NOP9: variants seen among roughly 807,000 people sequenced by gnomAD.
NOP9 encodes nucleolar protein 9.
Under a neutral mutation model 63.0 loss-of-function variants are expected in NOP9, and 50 were observed. That is an observed-to-expected ratio of 0.79 (90% CI 0.63 to 1.00). NOP9 has a LOEUF of 1.00. Ranked by LOEUF, NOP9 falls within the 50% of genes least tolerant of loss-of-function variation. The pLI is 0.00. For missense variants in NOP9, 758 were observed against 803.0 expected (o/e 0.94, Z 0.68); for synonymous variants, 343 against 332.8 (o/e 1.03, Z -0.33).
chr14:24,297,466 C>T (rs1001805162), upstream of NOP9, among the ~76,000 whole-genome samples: 2 of 152,210 alleles, frequency 1.3e-5, no homozygotes, highest in African/African-American at 4.8e-5. Context: ...GAACAATCCT[C>T]CTATTCTCCA....
At chr14:24,299,187 C>A, upstream of NOP9, 2 of 1,478,424 alleles carry the variant, frequency 1.4e-6, no homozygotes, top group South Asian at 1.3e-5. Context: ...TGTGTTGGGG[C>A]GAGGTTGGGG....
the NOP9 span, chr14:24,292,422 CCCTGT>C: frequency 1.9e-6 from 3 of 1,555,612 alleles, no homozygotes; most frequent in South Asian, 2.3e-5. Flanking sequence ...GCTCCACCCA[CCCTGT>C]CCTTCCCAGG....
In NOP9 at chr14:24,305,968, A is replaced by C. The variant is rs1244504359; in HGVS notation, c.*873A>C. 28 of 1,613,972 alleles carry C rather than the reference A, an allele frequency of 1.7e-5. No individual in the cohort carries two copies. Among genetic ancestry groups the C allele is most frequent in the Non-Finnish European group, 2.3e-5 (27 of 1,179,890 alleles). The stretch of plus-strand genomic sequence containing the variant: ...TGACCTGAGTACTTTCTTTGGGCCA[A>C]GTCCTTGAAAGTCACAACTCATAGA... On this transcript the variant is annotated 3_prime_UTR_variant, in exon 10 of 10. Coordinates refer to ENST00000267425, the MANE Select transcript of NOP9 (RefSeq NM_174913.3).
At chr14:24,290,703 G>C in the NOP9 span, 1 of 865,500 alleles carries the variant, frequency 1.2e-6, no homozygotes. Flanking sequence ...AAGGGACCTA[G>C]GCGCACCCCA....
chr14:24,279,893 G>A, the NOP9 span, among the ~76,000 whole-genome samples: 1 of 152,216 alleles, frequency 6.6e-6, no homozygotes, highest in Non-Finnish European at 1.5e-5. Flanking sequence ...AGAAGCAGAA[G>A]CTGTGGAACA....
At chr14:24,291,161 G>A in the NOP9 span, 1 of 1,614,158 alleles carries the variant, frequency 6.2e-7, no homozygotes, top group Non-Finnish European at 8.5e-7. Context: ...GAAGGCCATA[G>A]CGTCGAGCAA....
At chr14:24,301,824 C>G in intron 3 of NOP9, 102 bp downstream of exon 3, 1 of 1,491,316 alleles carries the variant, frequency 6.7e-7, no homozygotes, top group East Asian at 2.3e-5. Flanking sequence ...TCTTTTCAAA[C>G]CTGGTCTGGT....
chr14:24,302,024 C>G lies in NOP9; in HGVS notation c.868C>G (p.Arg290Gly). The change falls in exon 4 of 10, where the codon CGC becomes GGC. Residue 290 changes from arginine (R) to glycine (G), a missense_variant. By Grantham distance (125) the Arg-to-Gly change is moderately radical. Coordinates refer to ENST00000267425, the MANE Select transcript of NOP9 (RefSeq NM_174913.3). Reference protein sequence around the residue: ...CLQVALQVLHRKLPQFCAHLC... With the variant: ...CLQVALQVLHGKLPQFCAHLC... ...TCAAGTGGCTTTACAGGTTTTACAC[C>G]GCAAACTTCCCCAGTTTTGCGCTCA... is the stretch of plus-strand genomic sequence containing the variant. The G allele has an allele frequency of 1.2e-6, 2 of 1,613,992 alleles. No homozygotes were observed. Among genetic ancestry groups the G allele is most frequent in the African/African-American group, 1.3e-5 (1 of 75,024 alleles).
upstream of NOP9, among the ~76,000 whole-genome samples, chr14:24,295,227 C>CTAT (rs1470649954): frequency 7.2e-5 from 11 of 152,088 alleles, no homozygotes; most frequent in African/African-American, 1.4e-4. Context: ...ATATGCCAGG[C>CTAT]TATTAATAGT....
chr14:24,291,815 C>A, the NOP9 span: 1 of 642,060 alleles, frequency 1.6e-6, no homozygotes, highest in Non-Finnish European at 2.7e-6. Context: ...CAGGTGAGCC[C>A]TGTGCCCTGG....
At chr14:24,274,230 G>C in the NOP9 span, among the ~76,000 whole-genome samples, 1 of 152,130 alleles carries the variant, frequency 6.6e-6, no homozygotes, top group Non-Finnish European at 1.5e-5. Flanking sequence ...GTGCAGATTT[G>C]CCAGGTACAG....
chr14:24,287,941 C>G, the NOP9 span, among the ~76,000 whole-genome samples: 619 of 152,312 alleles, frequency 4.1e-3, 4 homozygotes, highest in African/African-American at 0.014. Context: ...TCCTAGTGCT[C>G]TCTAGTGTCA....
chr14:24,285,759 T>C, the NOP9 span, among the ~76,000 whole-genome samples: 10 of 152,160 alleles, frequency 6.6e-5, no homozygotes, highest in African/African-American at 2.4e-4. Flanking sequence ...GAGGCTGAGA[T>C]AGGCAGATTG....
At chr14:24,291,506 C>G in the NOP9 span, 11 of 1,581,282 alleles carry the variant, frequency 7.0e-6, no homozygotes, top group Non-Finnish European at 9.6e-6. Flanking sequence ...TGCTACCGCA[C>G]TACACATCCT....
At chr14:24,298,075 G>T (rs371887890), upstream of NOP9, among the ~76,000 whole-genome samples, 38 of 151,950 alleles carry the variant, frequency 2.5e-4, no homozygotes, top group East Asian at 1.5e-3. Flanking sequence ...TAGAGACAGG[G>T]TCTCACTGTC....
chr14:24,272,072 C>T, the NOP9 span, among the ~76,000 whole-genome samples: 1 of 152,158 alleles, frequency 6.6e-6, no homozygotes, highest in South Asian at 2.1e-4. Context: ...TTTCACTTCA[C>T]CCACTGTTCC....
rs749152825 is a variant in NOP9, at chr14:24,304,571, G to T, written c.1726G>T (p.Ala576Ser). ...DAIWSGAALRARKEIAAELGE... is the reference protein window; with the variant it reads ...DAIWSGAALRSRKEIAAELGE... ...CATCTGGAGTGGAGCAGCCTTGAGG[G>T]CCCGGAAGGAAATTGCTGCTGAGCT... The change falls in exon 9 of 10, where the codon GCC becomes TCC. Residue 576 changes from alanine to serine, a missense_variant. Physicochemically the swap from Ala to Ser is moderately conservative, Grantham distance 99 (BLOSUM62 1). Coordinates refer to ENST00000267425, the MANE Select transcript of NOP9 (RefSeq NM_174913.3). 23 of 1,612,380 alleles carry T rather than the reference G, an allele frequency of 1.4e-5. No individual in the cohort carries two copies. The Admixed American group carries it at 3.5e-4, about 25-fold the overall frequency.
At chr14:24,296,360 C>G, upstream of NOP9, 1 of 760,226 alleles carries the variant, frequency 1.3e-6, no homozygotes, top group Non-Finnish European at 2.2e-6. Context: ...TGGAACTTCT[C>G]CAGAGGTAAG....
In NOP9 at chr14:24,306,452, A is replaced by G; in HGVS notation, c.*1357A>G. 1 of 1,614,230 alleles carries G rather than the reference A, an allele frequency of 6.2e-7. No individual in the cohort carries two copies. The highest frequency in any genetic ancestry group is 8.5e-7 in the Non-Finnish European group (1 of 1,180,036). On this transcript the variant is annotated 3_prime_UTR_variant, in exon 10 of 10. Coordinates refer to ENST00000267425, the MANE Select transcript of NOP9 (RefSeq NM_174913.3). ...CCTCCAGCAGCTGGAAGAAGTCCTC[A>G]CTGTCCACTGCAGTTCCATCCTCCT...
Sources: gnomAD v4.1 joint callset for allele counts (sites outside exome capture counted in the v4.1 genomes callset) on GRCh38, gnomAD v4.1.1 for gene constraint, MANE v1.5 for transcripts, NCBI Gene and HGNC (gene_info 2026-07-23, HGNC 2026-07-21) for gene names.